The following ARNT2 variants were observed in gnomAD, a reference collection of about 807,000 sequenced individuals.
ARNT2 encodes the protein ARNT protein 2.
In ARNT2, 36 loss-of-function variants were observed where a neutral mutation model predicts 91.7. The observed-to-expected ratio is 0.39, with a 90% CI of 0.30 to 0.52. The LOEUF is 0.52. Ranked by LOEUF, ARNT2 falls within the 20% of genes least tolerant of loss-of-function variation. The pLI, the probability that ARNT2 is intolerant of heterozygous loss-of-function variation, is 0.72. For synonymous variants in ARNT2, 365 were observed against 347.1 expected (o/e 1.05, Z -0.57); for missense variants, 775 against 939.3 (o/e 0.83, Z 2.29).
At chr15:80,408,583 T>C (rs952998518) in intron 1 of ARNT2, among the ~76,000 whole-genome samples, 2 of 152,182 alleles carry the variant, frequency 1.3e-5, no homozygotes, top group Non-Finnish European at 2.9e-5. Flanking sequence ...CACCCAAGAA[T>C]GTGGGTAGGT....
chr15:80,508,144 T>C lies in ARNT2; in HGVS notation c.623-12T>C, dbSNP rs1897299314. On this transcript the variant is annotated splice_polypyrimidine_tract_variant and intron_variant, in intron 5 of 18. Coordinates refer to ENST00000303329, the MANE Select transcript of ARNT2 (RefSeq NM_014862.4). ...GCAGAGGCTTACGTAACTGTCCTTC[T>C]CTCTCTCTTAGGCCGGATCTTGGAC... 1 of 1,613,702 alleles carries C rather than the reference T, an allele frequency of 6.2e-7. No individual in the cohort carries two copies. Among genetic ancestry groups the C allele is most frequent in the African/African-American group, 1.3e-5 (1 of 74,882 alleles).
At chr15:80,464,839 G>A (rs1053515517) in intron 3 of ARNT2, among the ~76,000 whole-genome samples, 4 of 152,184 alleles carry the variant, frequency 2.6e-5, no homozygotes, top group South Asian at 2.1e-4. Flanking sequence ...GAGTGTCACC[G>A]AGGTGGGGCA....
intron 1 of ARNT2, chr15:80,434,185 C>T (rs746833795): frequency 6.6e-6 from 1 of 152,208 alleles, no homozygotes; most frequent in Non-Finnish European, 1.5e-5. Context: ...TGTCTAGCCT[C>T]AGGGGAGAAT....
At chr15:80,474,946 T>G in intron 4 of ARNT2, 64 bp from the exon 5 acceptor site, 18 of 1,522,298 alleles carry the variant, frequency 1.2e-5, no homozygotes, top group Non-Finnish European at 1.6e-5. Flanking sequence ...GCTTTCCCAA[T>G]AAGAAAGTTG....
intron 5 of ARNT2, among the ~76,000 whole-genome samples, chr15:80,488,210 G>T (rs1041351008): frequency 3.9e-5 from 6 of 152,136 alleles, no homozygotes; most frequent in African/African-American, 7.2e-5. Context: ...CTCTGTCCTG[G>T]ATAAAGAGGG....
chr15:80,449,915 T>C (rs1896361691), intron 1 of ARNT2, among the ~76,000 whole-genome samples: 1 of 152,184 alleles, frequency 6.6e-6, no homozygotes, highest in South Asian at 2.1e-4. Context: ...GCTTCCCTTC[T>C]TCCCCTGGGT....
At chr15:80,467,458 C>A (rs1193216649) in intron 3 of ARNT2, among the ~76,000 whole-genome samples, 1 of 152,028 alleles carries the variant, frequency 6.6e-6, no homozygotes, top group Non-Finnish European at 1.5e-5. Context: ...GTGGGTGGTG[C>A]CTAATGAGCG....
chr15:80,429,187 G>C (rs1895974263), intron 1 of ARNT2, among the ~76,000 whole-genome samples: 1 of 152,198 alleles, frequency 6.6e-6, no homozygotes, highest in South Asian at 2.1e-4. Flanking sequence ...TGTCTTTTGT[G>C]TATTAATGAG....
Position 80,513,891 on chromosome 15 carries a change from A to G in ARNT2, c.726-20A>G. 1 of 1,604,064 alleles carries G rather than the reference A, an allele frequency of 6.2e-7. No homozygotes were observed. Among genetic ancestry groups the G allele is most frequent in the African/African-American group, 1.3e-5 (1 of 74,716 alleles). ...CTTGCCTGGGTCTTTGCTCATTCTA[A>G]TACACTTGTCACATCTTAGGTGTGG... On this transcript the variant is annotated intron_variant, in intron 6 of 18. Coordinates refer to ENST00000303329, the MANE Select transcript of ARNT2 (RefSeq NM_014862.4).
intron 8 of ARNT2, among the ~76,000 whole-genome samples, chr15:80,539,055 G>A (rs1897867154): frequency 6.6e-6 from 1 of 151,796 alleles, no homozygotes; most frequent in Non-Finnish European, 1.5e-5. Flanking sequence ...AAAGATCAAA[G>A]CTAGGCAAAA....
intron 1 of ARNT2, among the ~76,000 whole-genome samples, chr15:80,437,948 C>T (rs904655406): frequency 3.9e-5 from 6 of 152,038 alleles, no homozygotes; most frequent in African/African-American, 1.4e-4. Flanking sequence ...CACACACACA[C>T]ACACACACAC....
chr15:80,487,542 C>T lies in ARNT2; in HGVS notation c.622+12319C>T, dbSNP rs571442987. Among the ~76,000 whole-genome samples, 3 of 152,354 alleles carry T rather than the reference C, an allele frequency of 2.0e-5. No individual in the cohort carries two copies. In the East Asian group the frequency reaches 5.8e-4, roughly 29 times the overall value. On this transcript the variant is annotated intron_variant, in intron 5 of 18. Coordinates refer to ENST00000303329, the MANE Select transcript of ARNT2 (RefSeq NM_014862.4). The stretch of plus-strand genomic sequence containing the variant: ...CTCAGGACATAGTCTGTGACTGACA[C>T]CTGGCCCGCTCAGGCCTGGCTCTGA...
chr15:80,495,364 A>T (rs969399564), intron 5 of ARNT2, among the ~76,000 whole-genome samples: 1 of 152,240 alleles, frequency 6.6e-6, no homozygotes, highest in East Asian at 1.9e-4. Flanking sequence ...CTGGACACTC[A>T]GGTTCCAAGT....
At chr15:80,593,316 G>A (rs1893314687) in intron 18 of ARNT2, among the ~76,000 whole-genome samples, 1 of 152,232 alleles carries the variant, frequency 6.6e-6, no homozygotes, top group Non-Finnish European at 1.5e-5. Context: ...CGCCAGTGGG[G>A]TTCTCGTCTA....
Position 80,555,294 on chromosome 15 carries a change from A to G in ARNT2, c.1164+155A>G. On this transcript the variant is annotated intron_variant, in intron 11 of 18. Transcript: ENST00000303329. ...CCTGCTAGGAAGTCACTCACAGTCTAGTAGGGAAGACAGACACACATCAGT... is the reference window on the plus strand; with the variant it reads ...CCTGCTAGGAAGTCACTCACAGTCTGGTAGGGAAGACAGACACACATCAGT... 1.5e-5 allele frequency: 10 copies of G among 667,356 alleles called. No individual in the cohort carries two copies. The South Asian group carries it at 1.9e-4, about 13-fold the overall frequency. 41.3% of individuals were successfully genotyped at this position (667,356 alleles called of 1,614,324 possible).
intron 17 of ARNT2, among the ~76,000 whole-genome samples, chr15:80,584,771 C>T (rs975149024): frequency 5.3e-5 from 8 of 152,212 alleles, no homozygotes; most frequent in African/African-American, 1.7e-4. Context: ...CAGCACCCCA[C>T]GGTACCTGGC....
chr15:80,554,016 CAGAT>C (rs1898131466), intron 10 of ARNT2, among the ~76,000 whole-genome samples: 1 of 152,220 alleles, frequency 6.6e-6, no homozygotes. Flanking sequence ...CCTTGGCACA[CAGAT>C]AGGACTTCCC....
chr15:80,526,887 T>C (rs1897648379), intron 8 of ARNT2, among the ~76,000 whole-genome samples: 2 of 152,210 alleles, frequency 1.3e-5, no homozygotes, highest in Admixed American at 6.5e-5. Flanking sequence ...TTGTTTTCCC[T>C]TCACTTGGAA....
intron 1 of ARNT2, among the ~76,000 whole-genome samples, chr15:80,424,898 T>C (rs1158705200): frequency 6.6e-6 from 1 of 152,236 alleles, no homozygotes; most frequent in East Asian, 1.9e-4. Flanking sequence ...GCTGCCTATA[T>C]CTATGGCTGC....
Sources: allele counts gnomAD v4.1 joint callset (sites outside exome capture counted in the v4.1 genomes callset), GRCh38; gene constraint gnomAD v4.1.1; transcripts MANE v1.5; gene names NCBI Gene and HGNC (gene_info 2026-07-23, HGNC 2026-07-21).